The following MYO16 variants were observed in gnomAD, a reference collection of about 807,000 sequenced individuals.
MYO16 encodes unconventional myosin-XVI.
MYO16 carries 94 observed loss-of-function variants against 205.3 expected under a neutral mutation model. The observed-to-expected ratio is 0.46, with a 90% CI of 0.39 to 0.54. The LOEUF (loss-of-function observed/expected upper bound fraction) is 0.54. MYO16 is among the 20% of genes least tolerant of loss of function. The pLI is 0.00. For synonymous variants in MYO16, 988 were observed against 954.0 expected (o/e 1.04, Z -0.66); for missense variants, 2,315 against 2,387.5 (o/e 0.97, Z 0.63).
At chr13:108,960,176 G>A (rs1883527355) in intron 17 of MYO16, among the ~76,000 whole-genome samples, 1 of 150,406 alleles carries the variant, frequency 6.6e-6, no homozygotes, top group Admixed American at 6.6e-5. Context: ...TCAAGAGGCT[G>A]AAGTGGGAGG....
chr13:108,727,728 T>C (rs9555500), intron 4 of MYO16, 145 bp downstream of exon 4: 35,902 of 888,686 alleles, frequency 0.04, 1,708 homozygotes, highest in East Asian at 0.2. Flanking sequence ...GAACACAAGA[T>C]AATTAGAGAC....
At chr13:108,733,978 T>A (rs967898236) in intron 4 of MYO16, among the ~76,000 whole-genome samples, 5 of 152,144 alleles carry the variant, frequency 3.3e-5, no homozygotes, top group East Asian at 1.9e-4. Flanking sequence ...CAAAAAAAAA[T>A]AAATAAATAA....
chr13:108,518,794 G>C, the MYO16 span, among the ~76,000 whole-genome samples: 9 of 152,150 alleles, frequency 5.9e-5, no homozygotes, highest in African/African-American at 1.7e-4. Context: ...TATAGTTCTA[G>C]ATTACCTCAT....
At chr13:108,891,397 C>T (rs1245070274) in intron 14 of MYO16, among the ~76,000 whole-genome samples, 1 of 152,022 alleles carries the variant, frequency 6.6e-6, no homozygotes, top group Admixed American at 6.5e-5. Context: ...AATGTCTTAT[C>T]TCGCAGGTCA....
intron 20 of MYO16, among the ~76,000 whole-genome samples, chr13:108,987,924 G>C (rs1332481182): frequency 6.6e-6 from 1 of 152,130 alleles, no homozygotes; most frequent in East Asian, 1.9e-4. Context: ...TACATAAAAG[G>C]TAAAATGAAA....
intron 9 of MYO16, among the ~76,000 whole-genome samples, 160 bp downstream of exon 9, chr13:108,823,438 A>G (rs1273969796): frequency 6.6e-6 from 1 of 152,188 alleles, no homozygotes; most frequent in East Asian, 1.9e-4. Flanking sequence ...TGAGTTAAAC[A>G]TAATTTTATT....
intron 3 of MYO16, among the ~76,000 whole-genome samples, chr13:108,719,145 T>C (rs1351780551): frequency 6.6e-6 from 1 of 152,180 alleles, no homozygotes; most frequent in Non-Finnish European, 1.5e-5. Context: ...CAGAACTCTT[T>C]CCTGACAGGG....
intron 28 of MYO16, among the ~76,000 whole-genome samples, chr13:109,110,513 G>A (rs1197314843): frequency 6.6e-6 from 1 of 152,170 alleles, no homozygotes; most frequent in Non-Finnish European, 1.5e-5. Flanking sequence ...AAGATACAGT[G>A]CTCTATTAGA....
At chr13:109,102,459 T>C (rs1888999717) in intron 28 of MYO16, among the ~76,000 whole-genome samples, 1 of 147,864 alleles carries the variant, frequency 6.8e-6, no homozygotes. Context: ...CAGATAATGA[T>C]ATACATATAT....
At chr13:108,998,645 G>A (rs777896846) in intron 21 of MYO16, among the ~76,000 whole-genome samples, 3 of 152,128 alleles carry the variant, frequency 2.0e-5, no homozygotes, top group Non-Finnish European at 2.9e-5. Flanking sequence ...CAGGGCATAC[G>A]GAGACAGATT....
intron 15 of MYO16, among the ~76,000 whole-genome samples, chr13:108,904,575 T>G (rs1880869236): frequency 6.6e-6 from 1 of 152,188 alleles, no homozygotes; most frequent in Non-Finnish European, 1.5e-5. Context: ...TCCAAAAAGT[T>G]TTGGTCCTGA....
the MYO16 span, among the ~76,000 whole-genome samples, chr13:108,510,473 T>TG: frequency 7.6e-6 from 1 of 131,288 alleles, no homozygotes; most frequent in East Asian, 2.4e-4. Flanking sequence ...TTTTTTTTTT[T>TG]TTTTTTTTTT....
intron 32 of MYO16, among the ~76,000 whole-genome samples, chr13:109,150,667 G>A (rs9559507): frequency 0.24 from 36,691 of 152,152 alleles, 5,213 homozygotes; most frequent in East Asian, 0.45. Flanking sequence ...ATAATGCACC[G>A]TCAGTGGGGA....
the MYO16 span, among the ~76,000 whole-genome samples, chr13:108,519,375 C>G: frequency 3.3e-5 from 5 of 152,082 alleles, no homozygotes; most frequent in Non-Finnish European, 5.9e-5. Context: ...GTTCCCTTTT[C>G]TCTCTTTCTT....
At chr13:108,834,720 C>T (rs1178875117) in intron 9 of MYO16, among the ~76,000 whole-genome samples, 1 of 151,164 alleles carries the variant, frequency 6.6e-6, no homozygotes, top group Non-Finnish European at 1.5e-5. Context: ...TATTTTAAAA[C>T]ATAATCTGAT....
At chr13:108,865,330 C>T (rs1473163478) in intron 11 of MYO16, among the ~76,000 whole-genome samples, 1 of 152,068 alleles carries the variant, frequency 6.6e-6, no homozygotes, top group Non-Finnish European at 1.5e-5. Context: ...ATATGTGATG[C>T]TAGATTTTAG....
At chr13:108,800,783 G>T (rs1566337781) in intron 6 of MYO16, among the ~76,000 whole-genome samples, 1 of 152,040 alleles carries the variant, frequency 6.6e-6, no homozygotes, top group East Asian at 1.9e-4. Flanking sequence ...AGTGGCAGGG[G>T]TCACAAAGCT....
intron 4 of MYO16, among the ~76,000 whole-genome samples, chr13:108,777,468 A>C (rs1886159523): frequency 6.6e-6 from 1 of 152,162 alleles, no homozygotes; most frequent in South Asian, 2.1e-4. Flanking sequence ...TCAGGGATTG[A>C]AATGTAGACC....
intron 10 of MYO16, among the ~76,000 whole-genome samples, chr13:108,847,685 T>G (rs1877593543): frequency 6.6e-6 from 1 of 152,230 alleles, no homozygotes; most frequent in South Asian, 2.1e-4. Context: ...ACATTTTATT[T>G]TTTTTAATTT....
Sources: gnomAD v4.1 joint callset for allele counts (sites outside exome capture counted in the v4.1 genomes callset) on GRCh38, gnomAD v4.1.1 for gene constraint, MANE v1.5 for transcripts, NCBI Gene and HGNC (gene_info 2026-07-23, HGNC 2026-07-21) for gene names.